Variants in ADIPOR2 observed in about 807,000 individuals in gnomAD.
ADIPOR2 encodes the protein adiponectin receptor protein 2.
ADIPOR2 carries 18 observed loss-of-function variants against 40.9 expected under a neutral mutation model. The observed-to-expected ratio is 0.44, with a 90% CI of 0.30 to 0.65. The LOEUF (loss-of-function observed/expected upper bound fraction) is 0.65. Among genes scored for constraint, ADIPOR2 ranks in the 30% least tolerant of loss-of-function variants. The pLI, the probability that ADIPOR2 is intolerant of heterozygous loss-of-function variation, is 0.09. For synonymous variants in ADIPOR2, 165 were observed against 166.4 expected (o/e 0.99, Z 0.06); for missense variants, 283 against 479.2 (o/e 0.59, Z 3.82).
At chr12:1,728,397 C>A (rs1056739312) in intron 1 of ADIPOR2, among the ~76,000 whole-genome samples, 2 of 151,834 alleles carry the variant, frequency 1.3e-5, no homozygotes. Flanking sequence ...GGCATGAACA[C>A]CACACCTGGC....
At chr12:1,729,774 TTTTG>T (rs1182886488) in intron 1 of ADIPOR2, among the ~76,000 whole-genome samples, 1 of 152,146 alleles carries the variant, frequency 6.6e-6, no homozygotes, top group African/African-American at 2.4e-5. Flanking sequence ...TTTCTATCTC[TTTTG>T]TTTATTTCTT....
intron 1 of ADIPOR2, among the ~76,000 whole-genome samples, chr12:1,736,054 C>A (rs2094729774): frequency 6.6e-6 from 1 of 152,114 alleles, no homozygotes; most frequent in Non-Finnish European, 1.5e-5. Context: ...GTCTAAAATT[C>A]TCTTTTTTGT....
intron 1 of ADIPOR2, among the ~76,000 whole-genome samples, chr12:1,728,422 T>TA (rs909871912): frequency 8.0e-5 from 12 of 150,706 alleles, no homozygotes; most frequent in South Asian, 2.1e-4. Flanking sequence ...TGCAGAGCTT[T>TA]AAAAAAAAAT....
intron 1 of ADIPOR2, among the ~76,000 whole-genome samples, chr12:1,721,391 T>G (rs1429084492): frequency 6.6e-6 from 1 of 151,970 alleles, no homozygotes. Flanking sequence ...AATTCTTGTA[T>G]TTTTAGTACA....
chr12:1,704,684 T>C (rs1225427927), intron 1 of ADIPOR2, among the ~76,000 whole-genome samples: 1 of 152,216 alleles, frequency 6.6e-6, no homozygotes, highest in South Asian at 2.1e-4. Flanking sequence ...GTCTTAACTT[T>C]CTAAGATGTT....
At chr12:1,769,232 CATCAGTATGTGACATATGGTAT>C (rs1862447696) in intron 2 of ADIPOR2, among the ~76,000 whole-genome samples, 4 of 152,288 alleles carry the variant, frequency 2.6e-5, no homozygotes, top group South Asian at 2.1e-4. Context: ...CTTTCCAAGC[CATCAGTATGTGACATATGGTAT>C]ACCCTAGGGA....
intron 1 of ADIPOR2, among the ~76,000 whole-genome samples, chr12:1,706,649 A>G (rs1255652662): frequency 6.6e-6 from 1 of 152,186 alleles, no homozygotes; most frequent in Non-Finnish European, 1.5e-5. Context: ...TTAGGGGTGC[A>G]GTTAGATGAC....
At chr12:1,701,127 C>CTTTT (rs34379541) in intron 1 of ADIPOR2, among the ~76,000 whole-genome samples, 13 of 123,760 alleles carry the variant, frequency 1.1e-4, no homozygotes, top group South Asian at 2.6e-4. Flanking sequence ...TGGTGTTGAT[C>CTTTT]TTTTTTTTTT....
intron 1 of ADIPOR2, among the ~76,000 whole-genome samples, chr12:1,708,357 G>A (rs187606303): frequency 1.5e-3 from 228 of 152,094 alleles, no homozygotes; most frequent in Middle Eastern, 0.01. Context: ...ACAGTCTTTG[G>A]AAGAGCAGAT....
At chr12:1,714,132 G>T (rs893236078) in intron 1 of ADIPOR2, among the ~76,000 whole-genome samples, 2 of 152,066 alleles carry the variant, frequency 1.3e-5, no homozygotes, top group African/African-American at 4.8e-5. Context: ...CTTGTTTCTC[G>T]TTGGACAATC....
chr12:1,776,574 T>C (rs188847854), intron 3 of ADIPOR2, among the ~76,000 whole-genome samples: 1 of 152,332 alleles, frequency 6.6e-6, no homozygotes, highest in African/African-American at 2.4e-5. Context: ...GTGTGAGCTC[T>C]CGGGGCTATG....
At position 1,727,634 on chromosome 12, in the gene ADIPOR2, A is replaced by G. The variant is rs138700210; in HGVS notation, c.-86-26624A>G. The stretch of plus-strand genomic sequence containing the variant: ...AGCAGCAGTACCTGAGCCTCAGTGG[A>G]TTCCAAGAATCGAAACCCTTGGTCT... On this transcript the variant is annotated intron_variant, in intron 1 of 7. Transcript: ENST00000357103. 5.7e-4 allele frequency among the ~76,000 whole-genome samples: 86 copies of G among 152,162 alleles called. No individual in the cohort carries two copies. In the East Asian group the frequency reaches 0.016, roughly 29 times the overall value.
intron 1 of ADIPOR2, among the ~76,000 whole-genome samples, chr12:1,742,332 A>G (rs1192475338): frequency 6.6e-6 from 1 of 152,194 alleles, no homozygotes; most frequent in Non-Finnish European, 1.5e-5. Flanking sequence ...GGCTCAAGCC[A>G]TCTGCCCACC....
Position 1,778,143 on chromosome 12 carries a change from T to C in ADIPOR2, c.463+118T>C. 4 of 1,204,840 alleles carry C rather than the reference T, an allele frequency of 3.3e-6. No homozygotes were observed. In the South Asian group the frequency reaches 7.2e-5, roughly 22 times the overall value. The allele number at this position is 1,204,840 out of a possible 1,614,324, so 74.6% of individuals were successfully genotyped here. On this transcript the variant is annotated intron_variant, in intron 4 of 7. Coordinates refer to ENST00000357103, the MANE Select transcript of ADIPOR2 (RefSeq NM_024551.3). ...TATTTGGATTTGCCATTTTGTTTTCTGAATTTCTAATGATGAATTTTCTGA... is the reference window on the plus strand; with the variant it reads ...TATTTGGATTTGCCATTTTGTTTTCCGAATTTCTAATGATGAATTTTCTGA...
intron 1 of ADIPOR2, among the ~76,000 whole-genome samples, chr12:1,738,613 C>T (rs1413728717): frequency 1.3e-5 from 2 of 151,980 alleles, no homozygotes; most frequent in African/African-American, 4.8e-5. Context: ...CAGCAGAGAC[C>T]ATCTTATCTT....
In ADIPOR2 at chr12:1,691,429, A is replaced by G. The variant is rs370600662; in HGVS notation, c.-87+238A>G. ...GGGACCTGGAGCCGCCCTCCTTGCG[A>G]CCGCTGTCGGAGGAGTCCGGCGCCC... On this transcript the variant is annotated intron_variant, in intron 1 of 7. Transcript: ENST00000357103. 5.1e-4 allele frequency among the ~76,000 whole-genome samples: 78 copies of G among 151,964 alleles called. No individual in the cohort carries two copies. The South Asian group carries it at 0.015, about 30-fold the overall frequency.
intron 1 of ADIPOR2, among the ~76,000 whole-genome samples, chr12:1,711,821 T>A (rs35666763): frequency 0.051 from 7,745 of 152,214 alleles, 274 homozygotes; most frequent in Middle Eastern, 0.099. Context: ...TGCCACCTCC[T>A]TGGGTTTTTG....
chr12:1,781,937 A>G (rs1336394859), intron 6 of ADIPOR2, among the ~76,000 whole-genome samples: 1 of 152,234 alleles, frequency 6.6e-6, no homozygotes, highest in East Asian at 1.9e-4. Context: ...TTTCAACAGT[A>G]CTTGAGTAGT....
intron 1 of ADIPOR2, among the ~76,000 whole-genome samples, chr12:1,714,553 A>G (rs570237397): frequency 5.9e-4 from 90 of 152,114 alleles, no homozygotes; most frequent in African/African-American, 2.1e-3. Flanking sequence ...GTTATGGTGG[A>G]TGTCATTGAA....
Sources: gnomAD v4.1 joint callset for allele counts (sites outside exome capture counted in the v4.1 genomes callset) on GRCh38, gnomAD v4.1.1 for gene constraint, MANE v1.5 for transcripts, NCBI Gene and HGNC (gene_info 2026-07-23, HGNC 2026-07-21) for gene names.